Variants in CDH8 observed in about 807,000 individuals in gnomAD.
The protein encoded by CDH8 is cadherin 8.
A neutral mutation model predicts 68.1 loss-of-function variants in CDH8; 17 were observed. That is an observed-to-expected ratio of 0.25 (90% CI 0.17 to 0.37). The LOEUF (loss-of-function observed/expected upper bound fraction) is 0.37, where lower values mean the gene tolerates loss of function less well. CDH8 is among the 10% of genes least tolerant of loss of function. CDH8 has a pLI of 1.00. For synonymous variants in CDH8, 372 were observed against 365.1 expected, an observed-to-expected ratio of 1.02 and a Z score of -0.21; for missense variants, 763 against 999.3, an observed-to-expected ratio of 0.76 and a Z score of 3.19.
intron 2 of CDH8, among the ~76,000 whole-genome samples, chr16:61,973,596 G>C (rs1261875673): frequency 2.6e-5 from 4 of 152,118 alleles, no homozygotes. Flanking sequence ...TCACAACACA[G>C]AGCCCATGGC....
At chr16:61,728,957 A>G (rs1200503314) in intron 8 of CDH8, among the ~76,000 whole-genome samples, 4 of 151,210 alleles carry the variant, frequency 2.6e-5, no homozygotes, top group African/African-American at 9.7e-5. Context: ...AGTGTCTTAT[A>G]CAGTATTGGA....
chr16:61,698,786 G>A (rs1175918641), intron 10 of CDH8, among the ~76,000 whole-genome samples: 3 of 152,118 alleles, frequency 2.0e-5, no homozygotes, highest in South Asian at 2.1e-4. Context: ...TGACTTCTCC[G>A]ATATCTTTCT....
At chr16:61,901,077 G>A (rs1242330373) in intron 3 of CDH8, 102 bp downstream of exon 3, 1 of 1,053,750 alleles carries the variant, frequency 9.5e-7, no homozygotes, top group African/African-American at 1.6e-5. Context: ...TAGAGATAAG[G>A]TGGTAATAAA....
In CDH8 at chr16:61,809,264, T is replaced by C. The variant is rs555229011; in HGVS notation, c.1277+8215A>G. On this transcript the variant is annotated intron_variant, in intron 7 of 11. Transcript: ENST00000577390. ...TTGGCCCACAGGCTTACCCCTGGCC[T>C]AGTGTAATGGAGTCAAAGTATTTAC... Among the ~76,000 whole-genome samples the C allele has an allele frequency of 2.0e-5, 3 of 152,142 alleles. No individual in the cohort carries two copies. In the South Asian group the frequency reaches 6.2e-4, roughly 32 times the overall value.
At chr16:61,816,181 G>A (rs1962070114) in intron 7 of CDH8, among the ~76,000 whole-genome samples, 1 of 152,056 alleles carries the variant, frequency 6.6e-6, no homozygotes, top group African/African-American at 2.4e-5. Flanking sequence ...CTTATTGGCT[G>A]TAGTCTTATT....
chr16:61,890,362 T>C (rs568573378), intron 3 of CDH8, among the ~76,000 whole-genome samples: 3 of 130,016 alleles, frequency 2.3e-5, no homozygotes, highest in East Asian at 2.2e-4. Flanking sequence ...TATAGCTAAA[T>C]TGGCTTAAAG....
chr16:61,813,489 A>G (rs1036939138), intron 7 of CDH8, among the ~76,000 whole-genome samples: 2 of 152,172 alleles, frequency 1.3e-5, no homozygotes, highest in African/African-American at 4.8e-5. Context: ...TGTTTACATC[A>G]GATGCTCTTG....
chr16:61,656,853 G>C (rs889460014), intron 10 of CDH8, among the ~76,000 whole-genome samples: 2 of 152,068 alleles, frequency 1.3e-5, no homozygotes, highest in African/African-American at 4.8e-5. Context: ...GAAATATTTT[G>C]TTGTCATTCA....
chr16:61,679,331 G>A (rs1567417751), intron 10 of CDH8, among the ~76,000 whole-genome samples: 1 of 151,914 alleles, frequency 6.6e-6, no homozygotes, highest in Non-Finnish European at 1.5e-5. Flanking sequence ...ACATTATCAG[G>A]AAAATCTTCA....
intron 10 of CDH8, among the ~76,000 whole-genome samples, chr16:61,660,950 T>C (rs1218522518): frequency 2.6e-5 from 4 of 151,870 alleles, no homozygotes; most frequent in Non-Finnish European, 5.9e-5. Flanking sequence ...TGAAAGCAAA[T>C]GACCCCAGAT....
At chr16:61,737,759 C>A (rs1281227486) in intron 8 of CDH8, among the ~76,000 whole-genome samples, 1 of 152,024 alleles carries the variant, frequency 6.6e-6, no homozygotes, top group African/African-American at 2.4e-5. Flanking sequence ...TTTATGCATT[C>A]CCCTTTCTCT....
At chr16:61,897,963 C>A (rs1963898376) in intron 3 of CDH8, among the ~76,000 whole-genome samples, 1 of 151,986 alleles carries the variant, frequency 6.6e-6, no homozygotes, top group Non-Finnish European at 1.5e-5. Flanking sequence ...GAGAGAAAAA[C>A]ACAGACATTT....
chr16:61,859,144 C>G (rs1324539372), intron 3 of CDH8, among the ~76,000 whole-genome samples: 2 of 152,080 alleles, frequency 1.3e-5, no homozygotes, highest in African/African-American at 4.8e-5. Flanking sequence ...AGAGGTTCTA[C>G]AAAATCTGCA....
intron 2 of CDH8, among the ~76,000 whole-genome samples, chr16:61,973,371 T>C (rs955504121): frequency 5.3e-5 from 8 of 152,264 alleles, no homozygotes; most frequent in Admixed American, 3.3e-4. Flanking sequence ...CTATGACATA[T>C]GAAATACGTG....
At chr16:61,850,558 T>C (rs1048646746) in intron 4 of CDH8, among the ~76,000 whole-genome samples, 2 of 152,112 alleles carry the variant, frequency 1.3e-5, no homozygotes, top group Non-Finnish European at 2.9e-5. Flanking sequence ...ATTACGTTTA[T>C]TATATATCGA....
intron 8 of CDH8, among the ~76,000 whole-genome samples, chr16:61,783,013 T>A (rs1567468759): frequency 6.7e-6 from 1 of 149,000 alleles, no homozygotes; most frequent in African/African-American, 2.5e-5. Flanking sequence ...AACTGGAAAC[T>A]CTAAAACGCA....
chr16:61,821,728 A>G (rs931236452), intron 5 of CDH8, among the ~76,000 whole-genome samples: 6 of 152,026 alleles, frequency 3.9e-5, no homozygotes, highest in African/African-American at 1.4e-4. Flanking sequence ...CCTAGGCAAA[A>G]TACAATCAAG....
intron 8 of CDH8, among the ~76,000 whole-genome samples, chr16:61,748,394 C>T (rs1960078651): frequency 6.6e-6 from 1 of 151,932 alleles, no homozygotes; most frequent in South Asian, 2.1e-4. Context: ...TTCCAACATC[C>T]ATTCATTAAA....
chr16:61,706,226 A>G (rs1458224423), intron 10 of CDH8, among the ~76,000 whole-genome samples: 2 of 152,222 alleles, frequency 1.3e-5, no homozygotes, highest in Non-Finnish European at 2.9e-5. Flanking sequence ...AGGGAAGCCA[A>G]TACCTGAGTT....
Sources: allele counts gnomAD v4.1 joint callset (sites outside exome capture counted in the v4.1 genomes callset), GRCh38; gene constraint gnomAD v4.1.1; transcripts MANE v1.5; gene names NCBI Gene and HGNC (gene_info 2026-07-23, HGNC 2026-07-21).